Variants in NRXN3 observed in about 807,000 individuals in gnomAD.
NRXN3 encodes neurexin III.
Under a neutral mutation model 137.6 loss-of-function variants are expected in NRXN3, and 32 were observed. The ratio of observed to expected loss-of-function variants is 0.23; its 90% confidence interval spans 0.18 to 0.31. The LOEUF (loss-of-function observed/expected upper bound fraction) is 0.31, where lower values mean the gene tolerates loss of function less well. Among genes scored for constraint, NRXN3 ranks in the 10% least tolerant of loss-of-function variants. The pLI, the probability that NRXN3 is intolerant of heterozygous loss-of-function variation, is 1.00. For missense variants in NRXN3, 1,574 were observed against 2,062.5 expected (o/e 0.76, Z 4.59); for synonymous variants, 798 against 784.5 (o/e 1.02, Z -0.29).
At chr14:78,986,771 C>T (rs2153063825) in intron 14 of NRXN3, among the ~76,000 whole-genome samples, 1 of 151,938 alleles carries the variant, frequency 6.6e-6, no homozygotes, top group African/African-American at 2.4e-5. Context: ...ACCTGTAATC[C>T]CAGCACTTTG....
chr14:79,806,848 G>C (rs936743248), intron 20 of NRXN3, among the ~76,000 whole-genome samples: 1 of 142,182 alleles, frequency 7.0e-6, no homozygotes, highest in African/African-American at 2.6e-5. Flanking sequence ...AGATATTAAG[G>C]GTTCATATAT....
chr14:79,392,226 T>TGA (rs1440422914), intron 15 of NRXN3, among the ~76,000 whole-genome samples: 2 of 152,190 alleles, frequency 1.3e-5, no homozygotes, highest in Non-Finnish European at 2.9e-5. Context: ...CTCCCACTTA[T>TGA]GAGTGAGAAC....
intron 20 of NRXN3, among the ~76,000 whole-genome samples, chr14:79,858,358 T>C (rs982640756): frequency 6.6e-6 from 1 of 152,160 alleles, no homozygotes; most frequent in Admixed American, 6.5e-5. Context: ...TCACAGATGG[T>C]ACACTAAAAT....
intron 15 of NRXN3, among the ~76,000 whole-genome samples, chr14:79,047,466 A>G (rs1014918679): frequency 3.9e-5 from 6 of 152,190 alleles, no homozygotes; most frequent in Admixed American, 6.5e-5. Context: ...AATTCAGCTC[A>G]TCAAAATATA....
intron 19 of NRXN3, among the ~76,000 whole-genome samples, chr14:79,705,417 C>T (rs2098773620): frequency 6.6e-6 from 1 of 152,088 alleles, no homozygotes; most frequent in African/African-American, 2.4e-5. Flanking sequence ...AAGGGTGAAA[C>T]CGGTGAGGCA....
intron 15 of NRXN3, among the ~76,000 whole-genome samples, chr14:79,389,744 T>G (rs1333367556): frequency 6.6e-6 from 1 of 152,206 alleles, no homozygotes; most frequent in Non-Finnish European, 1.5e-5. Context: ...GGACTAGGGC[T>G]TTTATCCTTG....
At chr14:78,365,866 T>C (rs954025118) in intron 4 of NRXN3, among the ~76,000 whole-genome samples, 2 of 152,192 alleles carry the variant, frequency 1.3e-5, no homozygotes, top group African/African-American at 4.8e-5. Flanking sequence ...AAGAATCTTA[T>C]GTTTGAGAGG....
In NRXN3 at chr14:78,884,434, C is replaced by A. The variant is rs922977400; in HGVS notation, c.2276-72808C>A. On this transcript the variant is annotated intron_variant, in intron 10 of 20. Coordinates refer to ENST00000335750, the MANE Select transcript of NRXN3 (RefSeq NM_001330195.2). Reference sequence around the variant, plus strand: ...CTCCTGCCCACATCAGTTTTTGTAACCCTTCCAACTTCCTCCTAAGGGCAA... The same window carrying A: ...CTCCTGCCCACATCAGTTTTTGTAAACCTTCCAACTTCCTCCTAAGGGCAA... 6.6e-5 allele frequency among the ~76,000 whole-genome samples: 10 copies of A among 152,192 alleles called. No individual in the cohort carries two copies. The East Asian group carries it at 1.9e-3, about 29-fold the overall frequency.
intron 16 of NRXN3, among the ~76,000 whole-genome samples, chr14:79,634,123 T>G (rs1014883084): frequency 6.6e-6 from 1 of 152,174 alleles, no homozygotes; most frequent in African/African-American, 2.4e-5. Flanking sequence ...GAAACAGCTG[T>G]GATTGGAGCA....
At chr14:79,657,833 C>T (rs1197129943) in intron 16 of NRXN3, among the ~76,000 whole-genome samples, 5 of 152,170 alleles carry the variant, frequency 3.3e-5, no homozygotes, top group East Asian at 3.9e-4. Flanking sequence ...ATTTATTGCA[C>T]GAAATTTGAA....
At chr14:78,653,725 A>G (rs1237924222) in intron 6 of NRXN3, among the ~76,000 whole-genome samples, 1 of 151,966 alleles carries the variant, frequency 6.6e-6, no homozygotes, top group Admixed American at 6.6e-5. Flanking sequence ...ACACACACAC[A>G]CACACACACA....
intron 15 of NRXN3, among the ~76,000 whole-genome samples, chr14:79,202,940 C>A (rs1454776604): frequency 1.3e-5 from 2 of 152,092 alleles, no homozygotes; most frequent in African/African-American, 4.8e-5. Context: ...ACTTTTAATT[C>A]TTTAAGGAAT....
chr14:79,782,134 A>G (rs2140114796), intron 19 of NRXN3, among the ~76,000 whole-genome samples: 1 of 152,266 alleles, frequency 6.6e-6, no homozygotes, highest in South Asian at 2.1e-4. Flanking sequence ...GTGTGTTTTT[A>G]TTTCCTAGAA....
At chr14:78,761,842 T>C (rs1339419328) in intron 8 of NRXN3, among the ~76,000 whole-genome samples, 1 of 152,106 alleles carries the variant, frequency 6.6e-6, no homozygotes, top group Non-Finnish European at 1.5e-5. Flanking sequence ...TTGGACAGCA[T>C]TTGATGTAAG....
chr14:78,202,785 A>G (rs943219708), intron 1 of NRXN3, among the ~76,000 whole-genome samples: 1 of 152,156 alleles, frequency 6.6e-6, no homozygotes, highest in Admixed American at 6.5e-5. Flanking sequence ...AAGGGGACCA[A>G]TTTCCGAGTA....
intron 1 of NRXN3, among the ~76,000 whole-genome samples, chr14:78,232,716 T>G (rs1206741322): frequency 6.6e-6 from 1 of 152,178 alleles, no homozygotes; most frequent in Non-Finnish European, 1.5e-5. Context: ...GGCTTTCAAT[T>G]GAATCTTTTT....
chr14:79,462,888 A>ATG (rs1244566080), intron 15 of NRXN3, among the ~76,000 whole-genome samples: 4 of 21,746 alleles, frequency 1.8e-4, no homozygotes, highest in Non-Finnish European at 4.1e-4. Context: ...ACATACACAT[A>ATG]TGTATGTATA....
chr14:79,279,384 C>A, intron 15 of NRXN3: 1 of 986,354 alleles, frequency 1.0e-6, no homozygotes, highest in African/African-American at 1.7e-5. Flanking sequence ...CTCCTCGCTT[C>A]ACTTCACCTG....
Position 79,569,630 on chromosome 14 carries a change from T to TGTGTGTGTGAGA in NRXN3, c.3445-94147_3445-94146insTGTGTGTGAGAG, listed in dbSNP as rs775452045. 5.9e-3 allele frequency among the ~76,000 whole-genome samples: 796 copies of TGTGTGTGTGAGA among 135,728 alleles called. 8 individuals are homozygous for TGTGTGTGTGAGA. Among genetic ancestry groups the TGTGTGTGTGAGA allele is most frequent in the Middle Eastern group, 0.039 (10 of 254 alleles). 89.0% of individuals were successfully genotyped at this position (135,728 alleles called of 152,430 possible). On this transcript the variant is annotated intron_variant, in intron 16 of 20. Coordinates refer to ENST00000335750, the MANE Select transcript of NRXN3 (RefSeq NM_001330195.2). ...GTGTGTGTGTGTGTGTGTGTGTGTGTGAGAGAGAGAGAGAGAGAGACAGAG... is the reference window on the plus strand; with the variant it reads ...GTGTGTGTGTGTGTGTGTGTGTGTGTGTGTGTGTGAGAGAGAGAGAGAGAGAGAGAGACAGAG...
Sources: allele counts gnomAD v4.1 joint callset (sites outside exome capture counted in the v4.1 genomes callset), GRCh38; gene constraint gnomAD v4.1.1; transcripts MANE v1.5; gene names NCBI Gene and HGNC (gene_info 2026-07-23, HGNC 2026-07-21).